EPHA3: variants seen among roughly 807,000 people sequenced by gnomAD.
EPHA3 encodes the protein ephrin type-A receptor 3.
In EPHA3, 42 loss-of-function variants were observed where a neutral mutation model predicts 107.1. The ratio of observed to expected loss-of-function variants is 0.39; its 90% CI spans 0.31 to 0.51. EPHA3 has a LOEUF of 0.51. Ranked by LOEUF, EPHA3 falls within the 20% of genes least tolerant of loss-of-function variation. The pLI is 0.78. For missense variants in EPHA3, 1,183 were observed against 1,211.2 expected, an observed-to-expected ratio of 0.98 and a Z score of 0.35; for synonymous variants, 461 against 424.8, an observed-to-expected ratio of 1.09 and a Z score of -1.05.
chr3:89,390,897 C>T (rs1165957272), intron 5 of EPHA3, among the ~76,000 whole-genome samples: 2 of 150,030 alleles, frequency 1.3e-5, no homozygotes, highest in African/African-American at 2.5e-5. Flanking sequence ...ATCTGATTCT[C>T]CTGCCTCAGC....
intron 5 of EPHA3, among the ~76,000 whole-genome samples, chr3:89,376,450 A>T (rs909910843): frequency 6.6e-6 from 1 of 151,884 alleles, no homozygotes; most frequent in African/African-American, 2.4e-5. Flanking sequence ...CTTTAAAATT[A>T]GTACAATCAG....
chr3:89,313,248 C>T (rs1434532539), intron 3 of EPHA3, among the ~76,000 whole-genome samples: 1 of 151,918 alleles, frequency 6.6e-6, no homozygotes, highest in Admixed American at 6.6e-5. Flanking sequence ...TCATTTCTTA[C>T]AGATAGCATA....
At chr3:89,193,283 T>G (rs1705761129) in intron 2 of EPHA3, among the ~76,000 whole-genome samples, 1 of 152,064 alleles carries the variant, frequency 6.6e-6, no homozygotes. Flanking sequence ...AAAAATTTCT[T>G]TTAAGTTCAA....
At chr3:89,246,062 G>A (rs190953090) in intron 3 of EPHA3, among the ~76,000 whole-genome samples, 25 of 151,896 alleles carry the variant, frequency 1.6e-4, no homozygotes, top group Non-Finnish European at 2.8e-4. Flanking sequence ...ACTCTCTTAC[G>A]CTCAATTTAA....
chr3:89,407,708 C>T (rs971215467), intron 8 of EPHA3, among the ~76,000 whole-genome samples: 2 of 152,100 alleles, frequency 1.3e-5, no homozygotes, highest in Non-Finnish European at 2.9e-5. Flanking sequence ...TCACCCAGAA[C>T]AGGGGTAACA....
chr3:89,341,518 G>A (rs1351650238), intron 4 of EPHA3, among the ~76,000 whole-genome samples: 1 of 152,172 alleles, frequency 6.6e-6, no homozygotes, highest in African/African-American at 2.4e-5. Context: ...TACTTTGTTA[G>A]AATTTGTGAA....
chr3:89,413,806 A>G (rs1239659267), intron 10 of EPHA3, among the ~76,000 whole-genome samples: 1 of 151,698 alleles, frequency 6.6e-6, no homozygotes, highest in African/African-American at 2.4e-5. Flanking sequence ...TAATAAATAT[A>G]CCTTTGTTCT....
At chr3:89,422,144 C>T (rs1194683739) in intron 11 of EPHA3, among the ~76,000 whole-genome samples, 1 of 149,730 alleles carries the variant, frequency 6.7e-6, no homozygotes, top group African/African-American at 2.4e-5. Context: ...CCGGTAACAT[C>T]TGAGAGGAAA....
chr3:89,317,002 C>T (rs1432914122), intron 3 of EPHA3, among the ~76,000 whole-genome samples: 1 of 151,656 alleles, frequency 6.6e-6, no homozygotes, highest in Non-Finnish European at 1.5e-5. Context: ...AACTCTGATG[C>T]TCCCTGAGAT....
chr3:89,134,504 G>A (rs1392310977), intron 2 of EPHA3, among the ~76,000 whole-genome samples: 1 of 152,220 alleles, frequency 6.6e-6, no homozygotes, highest in African/African-American at 2.4e-5. Flanking sequence ...TGCTGAGAAT[G>A]ATGGTTTCCA....
chr3:89,208,942 A>G (rs951358282), intron 2 of EPHA3, among the ~76,000 whole-genome samples: 3 of 152,186 alleles, frequency 2.0e-5, no homozygotes, highest in African/African-American at 7.2e-5. Context: ...GAAAGTATGG[A>G]CACAGAGATA....
In EPHA3 at chr3:89,341,904, G is replaced by A. The variant is rs371687854; in HGVS notation, c.1120G>A (p.Glu374Lys). The A allele has an allele frequency of 3.1e-6, 5 of 1,613,492 alleles. No homozygotes were observed. Among genetic ancestry groups the A allele is most frequent in the African/African-American group, 1.3e-5 (1 of 74,696 alleles). Residue 374 changes from glutamate (E) to lysine (K), a missense_variant, in exon 5 of 17, where the codon GAG becomes AAG. Glu to Lys is a moderately conservative substitution (Grantham distance 56). Coordinates refer to ENST00000336596, the MANE Select transcript of EPHA3 (RefSeq NM_005233.6). ...KKCGWNIKQC[E>K]PCSPNVRFLP... Reference sequence around the variant, plus strand: ...ATGTGGGTGGAATATAAAACAGTGTGAGCCATGCAGCCCAAATGTCCGCTT... The same window carrying A: ...ATGTGGGTGGAATATAAAACAGTGTAAGCCATGCAGCCCAAATGTCCGCTT...
chr3:89,399,799 A>G (rs1182571490), intron 7 of EPHA3: 3 of 1,113,522 alleles, frequency 2.7e-6, no homozygotes, highest in Admixed American at 4.8e-5. Flanking sequence ...AGTGTCTGTC[A>G]TTTCAGATAT....
At chr3:89,367,124 A>G (rs529871249) in intron 5 of EPHA3, among the ~76,000 whole-genome samples, 1 of 150,878 alleles carries the variant, frequency 6.6e-6, no homozygotes, top group South Asian at 2.1e-4. Flanking sequence ...GTGACTTACA[A>G]AGCTCTCCAT....
chr3:89,336,557 T>C (rs1707396769), intron 3 of EPHA3, among the ~76,000 whole-genome samples: 1 of 152,182 alleles, frequency 6.6e-6, no homozygotes, highest in Non-Finnish European at 1.5e-5. Flanking sequence ...TTATACATTC[T>C]CCACTCATAT....
Position 89,479,405 on chromosome 3 carries a change from A to G in EPHA3, c.2855A>G (p.Lys952Arg), listed in dbSNP as rs1379670186. 1 of 1,613,874 alleles carries G rather than the reference A, an allele frequency of 6.2e-7. No individual in the cohort carries two copies. The part of the protein sequence containing the change: ...TIAKISTDDM[K>R]KVGVTVVGPQ... ...GTTTTCTTTTTTTACAGTGACATGA[A>G]AAAGGTTGGTGTCACCGTGGTTGGG... Residue 952 changes from lysine to arginine, a missense_variant, in exon 17 of 17, where the codon AAA (lysine) becomes AGA (arginine). Transcript: ENST00000336596.
chr3:89,216,021 C>A (rs1054871033), intron 3 of EPHA3, among the ~76,000 whole-genome samples: 6 of 151,834 alleles, frequency 4.0e-5, no homozygotes, highest in Admixed American at 1.3e-4. Flanking sequence ...ACACTAAGTT[C>A]TTTGGGCTTT....
intron 3 of EPHA3, among the ~76,000 whole-genome samples, chr3:89,211,792 T>C (rs1292645884): frequency 1.6e-5 from 2 of 126,690 alleles, no homozygotes; most frequent in Non-Finnish European, 3.3e-5. Flanking sequence ...CTTCTTCTTC[T>C]TCTTCTTCTT....
At chr3:89,160,545 ATT>A (rs56995707) in intron 2 of EPHA3, among the ~76,000 whole-genome samples, 7,078 of 32,684 alleles carry the variant, frequency 0.22, 380 homozygotes, top group African/African-American at 0.37. Flanking sequence ...GTAATATTAG[ATT>A]TTGTGTGTGT....
Sources: gnomAD v4.1 joint callset for allele counts (sites outside exome capture counted in the v4.1 genomes callset) on GRCh38, gnomAD v4.1.1 for gene constraint, MANE v1.5 for transcripts, NCBI Gene and HGNC (gene_info 2026-07-23, HGNC 2026-07-21) for gene names.